TCOF1: variants seen among roughly 807,000 people sequenced by gnomAD.
The protein encoded by TCOF1 is treacle ribosome biogenesis factor 1.
A neutral mutation model predicts 149.0 loss-of-function variants in TCOF1; 33 were observed. The observed-to-expected ratio is 0.22, with a 90% CI of 0.17 to 0.30. TCOF1 has a LOEUF of 0.30. TCOF1 is among the 10% of genes least tolerant of loss of function. The pLI is 1.00. For missense variants in TCOF1, 1,728 were observed against 1,840.7 expected, an observed-to-expected ratio of 0.94 and a Z score of 1.12; for synonymous variants, 789 against 738.8, an observed-to-expected ratio of 1.07 and a Z score of -1.10.
chr5:150,383,459 A>G (rs1443486651), intron 17 of TCOF1, among the ~76,000 whole-genome samples: 2 of 152,216 alleles, frequency 1.3e-5, no homozygotes, highest in Non-Finnish European at 2.9e-5. Context: ...CCCCTGTGTG[A>G]GGCTCAATGT....
At chr5:150,367,122 G>A (rs999038252) in intron 3 of TCOF1, among the ~76,000 whole-genome samples, 21 of 151,826 alleles carry the variant, frequency 1.4e-4, no homozygotes, top group African/African-American at 4.8e-4. Flanking sequence ...TAGCTAACAC[G>A]GTGAAACCCC....
chr5:150,388,201 G>A, intron 18 of TCOF1, 113 bp downstream of exon 18: 1 of 1,443,888 alleles, frequency 6.9e-7, no homozygotes, highest in South Asian at 1.2e-5. Flanking sequence ...GGTCGGGAGG[G>A]GCTTGGGGTC....
At chr5:150,376,729 A>G in intron 14 of TCOF1, 109 bp downstream of exon 14, 1 of 1,149,248 alleles carries the variant, frequency 8.7e-7, no homozygotes, top group East Asian at 2.6e-5. Context: ...CAGAAGCCTC[A>G]GAGGTAGCCT....
chr5:150,396,797 C>A lies in TCOF1; in HGVS notation c.4300C>A (p.Gln1434Lys). The A allele has an allele frequency of 1.2e-6, 2 of 1,609,508 alleles. No individual in the cohort carries two copies. Among genetic ancestry groups the A allele is most frequent in the East Asian group, 2.2e-5 (1 of 44,772 alleles). ...KGMGTVEGGD[Q>K]SNPKSKKEKK... ...GATGGGGACGGTTGAAGGTGGAGAT[C>A]AAAGCAACCCAAAGAGCAAGAAGGA... Residue 1434 changes from glutamine (Q) to lysine (K), a missense_variant, in exon 24 of 27, where the codon CAA becomes AAA. Physicochemically the swap from Gln to Lys is moderately conservative, Grantham distance 53. Around this residue, in one of 2 missense-constraint regions of TCOF1, gnomAD observed 1,696 missense variants for 1,765.4 expected, o/e 0.96. Coordinates refer to ENST00000643257, the MANE Select transcript of TCOF1 (RefSeq NM_001371623.1).
chr5:150,388,184 A>G, intron 18 of TCOF1, 96 bp downstream of exon 18: 1 of 1,548,412 alleles, frequency 6.5e-7, no homozygotes, highest in Non-Finnish European at 8.8e-7. Flanking sequence ...TCACATAGCA[A>G]GGTGTTGGTC....
intron 1 of TCOF1, among the ~76,000 whole-genome samples, chr5:150,358,956 C>A (rs757578938): frequency 1.3e-5 from 2 of 151,232 alleles, no homozygotes; most frequent in Non-Finnish European, 2.9e-5. Flanking sequence ...CTCTCTTGAG[C>A]CCAGGAATTT....
intron 24 of TCOF1, 35 bp from the exon 25 acceptor site, chr5:150,398,319 T>C (rs539908800): frequency 1.2e-6 from 2 of 1,612,262 alleles, no homozygotes; most frequent in Non-Finnish European, 1.7e-6. Context: ...AGGATTACCA[T>C]CTGTTGTTCA....
intron 17 of TCOF1, among the ~76,000 whole-genome samples, chr5:150,387,531 G>C (rs1391505452): frequency 6.6e-6 from 1 of 152,162 alleles, no homozygotes; most frequent in Non-Finnish European, 1.5e-5. Flanking sequence ...TCTGAAGCCA[G>C]CCGGGGAAAG....
In TCOF1 at chr5:150,374,607, G is replaced by A. The variant is rs1371714858; in HGVS notation, c.1084-10G>A. Reference sequence around the variant, plus strand: ...CCTCTGGGCTGTCTCCCCTTGTCTTGTTTCTCCAGGCGAAGGCCTCAGGAA... The same window carrying A: ...CCTCTGGGCTGTCTCCCCTTGTCTTATTTCTCCAGGCGAAGGCCTCAGGAA... On this transcript the variant is annotated splice_polypyrimidine_tract_variant and intron_variant, in intron 8 of 26. Coordinates refer to ENST00000643257, the MANE Select transcript of TCOF1 (RefSeq NM_001371623.1). The A allele has an allele frequency of 1.9e-6, 3 of 1,609,618 alleles. No homozygotes were observed. The highest frequency in any genetic ancestry group is 1.1e-5 in the South Asian group (1 of 90,870).
In TCOF1 at chr5:150,375,764, G is replaced by T; in HGVS notation, c.1748G>T (p.Ser583Ile). 1 of 1,614,246 alleles carries T rather than the reference G, an allele frequency of 6.2e-7. No homozygotes were observed. The highest frequency in any genetic ancestry group is 8.5e-7 in the Non-Finnish European group (1 of 1,180,038). Residue 583 changes from serine to isoleucine, a missense_variant, in exon 12 of 27, where the codon AGT (serine) becomes ATT (isoleucine). By Grantham distance (142) the Ser-to-Ile change is moderately radical. Coordinates refer to ENST00000643257, the MANE Select transcript of TCOF1 (RefSeq NM_001371623.1). Reference sequence around the variant, plus strand: ...ATCCTCCAGGCCAAACCCACCTCCAGTCCTGCCAAGGGGCCCCCTCAGAAG... The same window carrying T: ...ATCCTCCAGGCCAAACCCACCTCCATTCCTGCCAAGGGGCCCCCTCAGAAG... ...GNILQAKPTS[S>I]PAKGPPQKAG... is the part of the protein sequence containing the mutation.
intron 10 of TCOF1, 73 bp from the exon 11 acceptor site, chr5:150,375,266 C>T (rs1248904759): frequency 1.2e-5 from 20 of 1,605,160 alleles, no homozygotes; most frequent in South Asian, 5.5e-5. Flanking sequence ...CGGCTGGCTT[C>T]GTTTGCTCTC....
intron 1 of TCOF1, among the ~76,000 whole-genome samples, 169 bp downstream of exon 1, chr5:150,358,023 C>T (rs1184321387): frequency 6.6e-6 from 1 of 152,372 alleles, no homozygotes; most frequent in East Asian, 1.9e-4. Context: ...TGCCTTCCCA[C>T]TGCGACTTCA....
chr5:150,388,046 G>A lies in TCOF1; in HGVS notation c.3004G>A (p.Glu1002Lys), dbSNP rs774878947. Residue 1002 changes from glutamate (E) to lysine (K), a missense_variant, in exon 18 of 27, where the codon GAG (glutamate) becomes AAG (lysine). By Grantham distance (56) the Glu-to-Lys change is moderately conservative. Coordinates refer to ENST00000643257, the MANE Select transcript of TCOF1 (RefSeq NM_001371623.1). ...STARSSSSES[E>K]DEDVIPATQC... ...AGCCAGGAGCTCCTCCTCCGAGAGC[G>A]AGGATGAGGACGTGATCCCCGCTAC... is the stretch of plus-strand genomic sequence containing the variant. 5.0e-6 allele frequency: 8 copies of A among 1,613,748 alleles called. No homozygotes were observed. The highest frequency in any genetic ancestry group is 1.7e-5 in the Admixed American group (1 of 60,020).
Position 150,391,031 on chromosome 5 carries a change from G to C in TCOF1, c.3184-513G>C, listed in dbSNP as rs145223378. 4.0e-3 allele frequency among the ~76,000 whole-genome samples: 609 copies of C among 152,340 alleles called. 6 individuals are homozygous for C. The highest frequency in any genetic ancestry group is 0.014 in the African/African-American group (587 of 41,582). ...TAAGCAGAAAAAGCAGCCAGTCACA[G>C]GATGAGCTGGGCCACCCTCCAGGCA... On this transcript the variant is annotated intron_variant, in intron 19 of 26. Coordinates refer to ENST00000643257, the MANE Select transcript of TCOF1 (RefSeq NM_001371623.1).
rs1372342896 is a variant in TCOF1 at position 150,396,808 on chromosome 5, A to C, written c.4311A>C (p.Pro1437=). Residue 1437 remains proline (P), a synonymous_variant, in exon 24 of 27, where the codon CCA becomes CCC. Coordinates refer to ENST00000643257, the MANE Select transcript of TCOF1 (RefSeq NM_001371623.1). ...GTVEGGDQSN[P]KSKKEKKKSD... Reference sequence around the variant, plus strand: ...TTGAAGGTGGAGATCAAAGCAACCCAAAGAGCAAGAAGGAGAAGAAGAAAT... The same window carrying C: ...TTGAAGGTGGAGATCAAAGCAACCCCAAGAGCAAGAAGGAGAAGAAGAAAT... The C allele has an allele frequency of 1.9e-6, 3 of 1,608,276 alleles. No individual in the cohort carries two copies. The highest frequency in any genetic ancestry group is 2.5e-6 in the Non-Finnish European group (3 of 1,177,880).
At chr5:150,390,775 G>A (rs752113007) in intron 19 of TCOF1, among the ~76,000 whole-genome samples, 8 of 152,174 alleles carry the variant, frequency 5.3e-5, no homozygotes, top group Non-Finnish European at 8.8e-5. Context: ...GTCAGGCTGT[G>A]GTCACTGCAT....
At position 150,381,507 on chromosome 5, in the gene TCOF1, C is replaced by T. The variant is rs116148784; in HGVS notation, c.2859+1775C>T. Among the ~76,000 whole-genome samples the T allele has an allele frequency of 2.4e-3, 364 of 152,342 alleles. 2 individuals carry two copies. Among genetic ancestry groups the T allele is most frequent in the Non-Finnish European group, 4.3e-3 (295 of 68,028 alleles). ...CCAGGCACAAAAGTGGAGAAGGCCC[C>T]TCAGTGTGTGCAGAGGGGCTGGGCA... On this transcript the variant is annotated intron_variant, in intron 17 of 26. Coordinates refer to ENST00000643257, the MANE Select transcript of TCOF1 (RefSeq NM_001371623.1).
At chr5:150,373,656 C>T (rs1446759789) in intron 7 of TCOF1, among the ~76,000 whole-genome samples, 1 of 152,218 alleles carries the variant, frequency 6.6e-6, no homozygotes, top group Admixed American at 6.5e-5. Context: ...AGGGGTCCTG[C>T]TGCTGTCCAT....
At chr5:150,358,201 C>A (rs765658227) in intron 1 of TCOF1, among the ~76,000 whole-genome samples, 6 of 152,000 alleles carry the variant, frequency 3.9e-5, no homozygotes, top group African/African-American at 7.3e-5. Flanking sequence ...TCTGCGCGGC[C>A]CCCCCTGGGG....
Sources: allele counts gnomAD v4.1 joint callset (sites outside exome capture counted in the v4.1 genomes callset), GRCh38; gene constraint gnomAD v4.1.1; regional missense constraint gnomAD v4.1.1; transcripts MANE v1.5; gene names NCBI Gene and HGNC (gene_info 2026-07-23, HGNC 2026-07-21).